Variants in SNRPG observed in about 807,000 individuals in gnomAD.
The protein encoded by SNRPG is small nuclear ribonucleoprotein polypeptide G.
In SNRPG, 3 loss-of-function variants were observed where a neutral mutation model predicts 13.9. The observed-to-expected ratio is 0.22, with a 90% CI of 0.10 to 0.56. The LOEUF is 0.56. Among genes scored for constraint, SNRPG ranks in the 20% least tolerant of loss-of-function variants. The probability of loss-of-function intolerance (pLI) is 0.93; values close to 1 mark genes in which losing one functional copy is unlikely to be tolerated. For missense variants in SNRPG, 34 were observed against 96.1 expected (o/e 0.35, Z 2.70); for synonymous variants, 29 against 29.3 (o/e 0.99, Z 0.03).
chr2:70,288,934 T>G (rs2104919597), intron 2 of SNRPG, among the ~76,000 whole-genome samples: 1 of 152,286 alleles, frequency 6.6e-6, no homozygotes, highest in African/African-American at 2.4e-5. Flanking sequence ...CGGATGTGAA[T>G]TAGAGGTCCT....
At chr2:70,288,325 T>G in intron 2 of SNRPG, 133 bp from the exon 3 acceptor site, 1 of 685,040 alleles carries the variant, frequency 1.5e-6, no homozygotes. Flanking sequence ...TGACAAGAAC[T>G]GGGTTAAACA....
At chr2:70,288,653 T>C (rs1243988008) in intron 2 of SNRPG, among the ~76,000 whole-genome samples, 4 of 152,220 alleles carry the variant, frequency 2.6e-5, no homozygotes, top group Admixed American at 2.6e-4. Flanking sequence ...TCATGGTTTT[T>C]TCCCCTACAT....
Position 70,290,823 on chromosome 2 carries a change from TAAAAAAAAAAAAA to T in SNRPG, c.33-1464_33-1452del, listed in dbSNP as rs57720967. On this transcript the variant is annotated intron_variant, in intron 1 of 3. Coordinates refer to ENST00000272348, the MANE Select transcript of SNRPG (RefSeq NM_003096.4). Reference sequence around the variant, plus strand: ...CAACATGGAGAAAACCCGTCTCTACTAAAAAAAAAAAAAAAAAAAAAAAAAAAAAAAAAAAAAA... The same window carrying T: ...CAACATGGAGAAAACCCGTCTCTACTAAAAAAAAAAAAAAAAAAAAAAAAA... 9.4e-3 allele frequency among the ~76,000 whole-genome samples: 238 copies of T among 25,274 alleles called. 4 individuals carry two copies. Among genetic ancestry groups the T allele is most frequent in the African/African-American group, 0.042 (218 of 5,190 alleles). The allele number at this position is 25,274 out of a possible 152,430, so 16.6% of individuals were successfully genotyped here.
At chr2:70,285,686 C>G (rs1696926057) in intron 3 of SNRPG, among the ~76,000 whole-genome samples, 1 of 152,186 alleles carries the variant, frequency 6.6e-6, no homozygotes, top group African/African-American at 2.4e-5. Context: ...TGCTCTTCCT[C>G]TTTTGCCACT....
At chr2:70,286,364 ATT>A (rs1212114040) in intron 3 of SNRPG, among the ~76,000 whole-genome samples, 1 of 151,800 alleles carries the variant, frequency 6.6e-6, no homozygotes, top group Non-Finnish European at 1.5e-5. Flanking sequence ...ACCTTAACCT[ATT>A]TGTTTCCCTT....
intron 3 of SNRPG, among the ~76,000 whole-genome samples, chr2:70,285,152 T>TA (rs1327264282): frequency 6.6e-6 from 1 of 152,228 alleles, no homozygotes; most frequent in African/African-American, 2.4e-5. Flanking sequence ...AGAGAAGCTG[T>TA]AAAGTGCTTC....
intron 2 of SNRPG, among the ~76,000 whole-genome samples, 181 bp from the exon 3 acceptor site, chr2:70,288,373 C>T (rs932173912): frequency 6.6e-6 from 1 of 152,144 alleles, no homozygotes; most frequent in Non-Finnish European, 1.5e-5. Flanking sequence ...TTATAAGAAT[C>T]CTAAAAAGTA....
intron 1 of SNRPG, 100 bp from the exon 2 acceptor site, chr2:70,289,472 A>G (rs1243796426): frequency 3.2e-6 from 2 of 631,290 alleles, no homozygotes; most frequent in Non-Finnish European, 5.7e-6. Flanking sequence ...AAATTTATAC[A>G]ATGGGAATAA....
intron 3 of SNRPG, among the ~76,000 whole-genome samples, chr2:70,281,913 C>T (rs1035109014): frequency 6.6e-6 from 1 of 152,112 alleles, no homozygotes. Context: ...TGCCAAGTCT[C>T]CAATGACTAA....
At chr2:70,293,496 C>T (rs1166416771) in intron 1 of SNRPG, 122 bp downstream of exon 1, 3 of 924,242 alleles carry the variant, frequency 3.2e-6, no homozygotes, top group Non-Finnish European at 5.4e-6. Flanking sequence ...TCCCGGCGAC[C>T]TCGGACCGGA....
chr2:70,285,207 A>C (rs1014307032), intron 3 of SNRPG, among the ~76,000 whole-genome samples: 5 of 152,206 alleles, frequency 3.3e-5, no homozygotes, highest in Non-Finnish European at 5.9e-5. Context: ...AAGAAAAAGA[A>C]TCATATGTTG....
chr2:70,289,314 T>C, intron 2 of SNRPG, 36 bp downstream of exon 2: 1 of 1,275,530 alleles, frequency 7.8e-7, no homozygotes, highest in Non-Finnish European at 1.1e-6. Flanking sequence ...AGCAATTAAA[T>C]AATTAAAAAA....
intron 1 of SNRPG, among the ~76,000 whole-genome samples, chr2:70,292,139 G>A (rs991867697): frequency 6.6e-6 from 1 of 151,820 alleles, no homozygotes; most frequent in Admixed American, 6.6e-5. Context: ...ATAGACACGG[G>A]GTTTCACCGT....
At chr2:70,285,357 C>T (rs543103953) in intron 3 of SNRPG, among the ~76,000 whole-genome samples, 54 of 152,136 alleles carry the variant, frequency 3.5e-4, no homozygotes, top group African/African-American at 1.2e-3. Context: ...GTGGCTCATG[C>T]GGTCAGGAGT....
chr2:70,285,106 A>G (rs1696906955), intron 3 of SNRPG, among the ~76,000 whole-genome samples: 1 of 152,232 alleles, frequency 6.6e-6, no homozygotes, highest in African/African-American at 2.4e-5. Flanking sequence ...GCCTGAAAGT[A>G]TAAGAGCAGT....
rs2104905731 is a variant in SNRPG at position 70,281,380 on chromosome 2, T to TTTAA, written c.*250_*253dup. 1 of 298,336 alleles carries TTTAA rather than the reference T, an allele frequency of 3.4e-6. No individual in the cohort carries two copies. The highest frequency in any genetic ancestry group is 2.2e-5 in the African/African-American group (1 of 45,514). The allele number at this position is 298,336 out of a possible 1,614,324, so 18.5% of individuals were successfully genotyped here. A position where few individuals can be genotyped will look rare whatever the true frequency, so the allele number is the denominator to read the frequency against. ...GAAGGAATCCTTGCCATGTTTCACA[T>TTTAA]TTAATAAGATTCTTTCACTTTAATG... is the stretch of plus-strand genomic sequence containing the variant. On this transcript the variant is annotated 3_prime_UTR_variant, in exon 4 of 4. Coordinates refer to ENST00000272348, the MANE Select transcript of SNRPG (RefSeq NM_003096.4).
intron 1 of SNRPG, among the ~76,000 whole-genome samples, chr2:70,290,982 G>C (rs1382693164): frequency 1.4e-5 from 2 of 147,792 alleles, no homozygotes; most frequent in African/African-American, 5.0e-5. Context: ...CTGCACTCCA[G>C]CCTGGGCAAT....
intron 3 of SNRPG, among the ~76,000 whole-genome samples, chr2:70,285,689 T>C (rs761048573): frequency 2.6e-5 from 4 of 152,176 alleles, no homozygotes; most frequent in Non-Finnish European, 5.9e-5. Context: ...TCTTCCTCTT[T>C]TGCCACTGTG....
At chr2:70,287,588 C>A (rs1457814616) in intron 3 of SNRPG, among the ~76,000 whole-genome samples, 1 of 152,138 alleles carries the variant, frequency 6.6e-6, no homozygotes, top group Non-Finnish European at 1.5e-5. Context: ...TGTGGTAAAC[C>A]AGAAAATCCA....
Sources: gnomAD v4.1 joint callset for allele counts (sites outside exome capture counted in the v4.1 genomes callset) on GRCh38, gnomAD v4.1.1 for gene constraint, MANE v1.5 for transcripts, NCBI Gene and HGNC (gene_info 2026-07-23, HGNC 2026-07-21) for gene names.